Variants in PDE8A observed in about 807,000 individuals in gnomAD.
PDE8A encodes high affinity cAMP-specific and IBMX-insensitive 3',5'-cyclic phosphodiesterase 8A.
Under a neutral mutation model 105.0 loss-of-function variants are expected in PDE8A, and 59 were observed. The observed-to-expected ratio is 0.56, with a 90% CI of 0.46 to 0.70. The LOEUF (loss-of-function observed/expected upper bound fraction) is 0.70, where lower values mean the gene tolerates loss of function less well. Among genes scored for constraint, PDE8A ranks in the 30% least tolerant of loss-of-function variants. The pLI is 0.00. For missense variants in PDE8A, 1,014 were observed against 1,045.9 expected, an observed-to-expected ratio of 0.97 and a Z score of 0.42; for synonymous variants, 355 against 371.9, an observed-to-expected ratio of 0.95 and a Z score of 0.52.
At chr15:84,993,266 AC>A (rs1267014752) in intron 1 of PDE8A, among the ~76,000 whole-genome samples, 18 of 151,766 alleles carry the variant, frequency 1.2e-4, no homozygotes, top group Non-Finnish European at 2.4e-4. Flanking sequence ...ACACGGTGAA[AC>A]CCCGTCTCTT....
chr15:85,133,113 A>G (rs535696289), intron 20 of PDE8A, among the ~76,000 whole-genome samples: 1 of 152,172 alleles, frequency 6.6e-6, no homozygotes, highest in African/African-American at 2.4e-5. Context: ...TTTTCTGAGC[A>G]TGTCTTGTCT....
intron 1 of PDE8A, among the ~76,000 whole-genome samples, chr15:85,013,626 G>A (rs1471644214): frequency 3.9e-5 from 6 of 152,198 alleles, no homozygotes; most frequent in African/African-American, 1.2e-4. Flanking sequence ...GTAGAATTAT[G>A]TTGTATTTGT....
chr15:84,990,605 C>T (rs1432942385), intron 1 of PDE8A, among the ~76,000 whole-genome samples: 1 of 152,126 alleles, frequency 6.6e-6, no homozygotes, highest in Non-Finnish European at 1.5e-5. Context: ...ATGAAGAAAC[C>T]ACAGTTCACT....
rs144851227 is a variant in PDE8A, at chr15:85,015,709, C to A, written c.186+33361C>A. ...TTTCACATGTTTAAACTCTGCATTC[C>A]TTTTTTTGTTAACTATCTGTCCATA... On this transcript the variant is annotated intron_variant, in intron 1 of 21. Coordinates refer to ENST00000394553, the MANE Select transcript of PDE8A (RefSeq NM_002605.3). Among the ~76,000 whole-genome samples the A allele has an allele frequency of 4.0e-3, 613 of 152,242 alleles. 1 individual carries two copies. Among genetic ancestry groups the A allele is most frequent in the African/African-American group, 0.013 (552 of 41,534 alleles).
At chr15:85,099,793 G>A in intron 9 of PDE8A, 2 of 518,638 alleles carry the variant, frequency 3.9e-6, no homozygotes, top group Admixed American at 3.7e-5. Flanking sequence ...TAATTGGGAA[G>A]AATTTTGTCA....
At chr15:85,137,728 C>T in intron 21 of PDE8A, 69 bp from the exon 22 acceptor site, 2 of 993,652 alleles carry the variant, frequency 2.0e-6, no homozygotes, top group Non-Finnish European at 3.2e-6. Context: ...CTTTAAAATG[C>T]TCTTAGTGAA....
At position 85,109,058 on chromosome 15, in the gene PDE8A, C is replaced by A; in HGVS notation, c.1042C>A (p.Gln348Lys). 6.2e-7 allele frequency: 1 copy of A among 1,602,334 alleles called. No homozygotes were observed. The highest frequency in any genetic ancestry group is 8.5e-7 in the Non-Finnish European group (1 of 1,169,968). Residue 348 changes from glutamine (Q) to lysine (K), a missense_variant, in exon 12 of 22, where the codon CAG (glutamine) becomes AAG (lysine). Physicochemically the swap from Gln to Lys is moderately conservative, Grantham distance 53 (BLOSUM62 1). Transcript: ENST00000394553. The stretch of plus-strand genomic sequence containing the variant: ...TTTATCATTTGTTTCTACAGATAAT[C>A]AGACAGGCAAACATAAAGACAGGAG... ...CVQSDTHTDNQTGKHKDRRKG... is the reference protein window; with the variant it reads ...CVQSDTHTDNKTGKHKDRRKG...
intron 1 of PDE8A, among the ~76,000 whole-genome samples, chr15:85,035,499 C>CG (rs2080691369): frequency 6.6e-6 from 1 of 152,054 alleles, no homozygotes; most frequent in Non-Finnish European, 1.5e-5. Context: ...CGTGAGCCAC[C>CG]GCGCCGGGCC....
chr15:85,098,037 G>GTA lies in PDE8A; in HGVS notation c.941+2_941+3dup. 1 of 1,545,092 alleles carries GTA rather than the reference G, an allele frequency of 6.5e-7. No individual in the cohort carries two copies. Among genetic ancestry groups the GTA allele is most frequent in the Non-Finnish European group, 8.9e-7 (1 of 1,118,498 alleles). On this transcript the variant is annotated splice_donor_variant, in intron 9 of 21. Transcript: ENST00000394553. LOFTEE classifies it high-confidence loss of function. ...TAATACCTGTCATTGGACAGGGAGG[G>GTA]TAAGTGGAAAAAACAAGTACATCAA... is the stretch of plus-strand genomic sequence containing the variant.
rs536757711 is a variant in PDE8A, at chr15:85,005,389, T to G, written c.186+23041T>G. 3.3e-5 allele frequency among the ~76,000 whole-genome samples: 5 copies of G among 152,346 alleles called. No homozygotes were observed. In the East Asian group the frequency reaches 9.6e-4, roughly 29 times the overall value. ...CCTTGGCCTCCCAAAGTGTTGGGAT[T>G]ACAAGTATGTGCCACTGTGCCCAGC... On this transcript the variant is annotated intron_variant, in intron 1 of 21. Coordinates refer to ENST00000394553, the MANE Select transcript of PDE8A (RefSeq NM_002605.3).
At chr15:85,058,213 T>C (rs1235155392) in intron 1 of PDE8A, among the ~76,000 whole-genome samples, 1 of 152,196 alleles carries the variant, frequency 6.6e-6, no homozygotes, top group African/African-American at 2.4e-5. Flanking sequence ...CCTGAGTAGC[T>C]ACGATTATAG....
chr15:85,054,258 G>A (rs1164267833), intron 1 of PDE8A, among the ~76,000 whole-genome samples: 3 of 152,156 alleles, frequency 2.0e-5, no homozygotes, highest in Admixed American at 1.3e-4. Context: ...ATGTTCATCA[G>A]GGATATTGGT....
chr15:85,018,234 C>T (rs2080361510), intron 1 of PDE8A, among the ~76,000 whole-genome samples: 2 of 152,148 alleles, frequency 1.3e-5, no homozygotes, highest in Non-Finnish European at 1.5e-5. Context: ...GAAGTAGAGT[C>T]TGTAGTGGTA....
At chr15:85,095,746 A>C (rs1278218913) in intron 8 of PDE8A, among the ~76,000 whole-genome samples, 1 of 152,034 alleles carries the variant, frequency 6.6e-6, no homozygotes, top group Non-Finnish European at 1.5e-5. Context: ...CCATTGCCTA[A>C]ATTGTCCTGC....
At chr15:84,983,207 C>G (rs1270061857) in intron 1 of PDE8A, among the ~76,000 whole-genome samples, 3 of 152,178 alleles carry the variant, frequency 2.0e-5, no homozygotes, top group Admixed American at 2.0e-4. Flanking sequence ...TTCCAGTTCT[C>G]TCATTTCAGA....
chr15:85,129,852 T>C (rs1461462749), intron 20 of PDE8A, among the ~76,000 whole-genome samples: 1 of 152,252 alleles, frequency 6.6e-6, no homozygotes, highest in African/African-American at 2.4e-5. Context: ...CTGCATCTAA[T>C]AACTTTTGGC....
At chr15:85,113,079 T>A (rs2082042679) in intron 12 of PDE8A, among the ~76,000 whole-genome samples, 1 of 152,178 alleles carries the variant, frequency 6.6e-6, no homozygotes, top group Non-Finnish European at 1.5e-5. Context: ...CTTATTGTCA[T>A]AGACACAAAA....
chr15:85,085,881 G>A (rs2081544618), intron 6 of PDE8A, among the ~76,000 whole-genome samples: 1 of 151,356 alleles, frequency 6.6e-6, no homozygotes, highest in South Asian at 2.1e-4. Context: ...GCGTGGTGGC[G>A]CATGCCTGTC....
chr15:84,983,599 T>C (rs573750353), intron 1 of PDE8A, among the ~76,000 whole-genome samples: 4 of 152,366 alleles, frequency 2.6e-5, no homozygotes, highest in African/African-American at 9.6e-5. Context: ...ATAGATTCTT[T>C]AAAGAAACCT....
Sources: allele counts gnomAD v4.1 joint callset (sites outside exome capture counted in the v4.1 genomes callset), GRCh38; gene constraint gnomAD v4.1.1; transcripts MANE v1.5; gene names NCBI Gene and HGNC (gene_info 2026-07-23, HGNC 2026-07-21).